MIR2052HG: variants seen among roughly 807,000 people sequenced by gnomAD.
MIR2052HG encodes MIR2052 host gene.
At chr8:74,635,215 T>A (rs1185341931) in intron 2 of MIR2052HG, among the ~76,000 whole-genome samples, 1 of 152,126 alleles carries the variant, frequency 6.6e-6, no homozygotes, top group Non-Finnish European at 1.5e-5. Flanking sequence ...AATCACTATA[T>A]TAGGTACAGA....
chr8:74,747,562 G>T (rs1021882332), intron 4 of MIR2052HG, among the ~76,000 whole-genome samples: 1 of 152,120 alleles, frequency 6.6e-6, no homozygotes, highest in Non-Finnish European at 1.5e-5. Flanking sequence ...TGTGAATCGT[G>T]TTATTCTCTG....
At chr8:74,641,488 T>C (rs1430516588) in intron 2 of MIR2052HG, among the ~76,000 whole-genome samples, 1 of 152,216 alleles carries the variant, frequency 6.6e-6, no homozygotes, top group Non-Finnish European at 1.5e-5. Context: ...TTTCTTCTTA[T>C]ATGAGTTATT....
At chr8:74,602,880 C>CTTTTTTT (rs1808042817) in intron 1 of MIR2052HG, among the ~76,000 whole-genome samples, 1 of 13,542 alleles carries the variant, frequency 7.4e-5, no homozygotes, top group Admixed American at 5.9e-4. Flanking sequence ...TTTCTTTTTT[C>CTTTTTTT]TATTCACAAA....
intron 4 of MIR2052HG, among the ~76,000 whole-genome samples, chr8:74,750,149 T>C (rs923400673): frequency 1.3e-5 from 2 of 152,200 alleles, no homozygotes; most frequent in South Asian, 2.1e-4. Context: ...TTCAAAGCAA[T>C]ATCACAAATT....
intron 4 of MIR2052HG, among the ~76,000 whole-genome samples, chr8:74,734,803 T>C (rs181049737): frequency 1.1e-3 from 175 of 152,322 alleles, no homozygotes; most frequent in African/African-American, 4.1e-3. Context: ...GATGACTGAT[T>C]TACTGTGGTT....
intron 4 of MIR2052HG, among the ~76,000 whole-genome samples, chr8:74,719,347 T>C (rs1481556018): frequency 6.6e-6 from 1 of 152,192 alleles, no homozygotes; most frequent in African/African-American, 2.4e-5. Context: ...TAATGGAGAT[T>C]GCATAGCGAG....
chr8:74,620,452 G>A (rs957941881), intron 2 of MIR2052HG, among the ~76,000 whole-genome samples: 7 of 152,216 alleles, frequency 4.6e-5, no homozygotes, highest in Admixed American at 2.6e-4. Flanking sequence ...GCCCCTGCAG[G>A]AAACTTCTGT....
At chr8:74,680,928 T>C (rs1394286422) in intron 2 of MIR2052HG, among the ~76,000 whole-genome samples, 2 of 150,948 alleles carry the variant, frequency 1.3e-5, no homozygotes, top group East Asian at 2.0e-4. Context: ...ATGGATGAAA[T>C]TGGAAATCAT....
intron 4 of MIR2052HG, among the ~76,000 whole-genome samples, chr8:74,712,746 A>G (rs772886067): frequency 1.3e-5 from 2 of 148,830 alleles, no homozygotes; most frequent in Non-Finnish European, 3.0e-5. Context: ...ATTCAAATGT[A>G]CTTAAGACTA....
At chr8:74,739,514 T>G (rs574242560) in intron 4 of MIR2052HG, among the ~76,000 whole-genome samples, 2 of 152,262 alleles carry the variant, frequency 1.3e-5, no homozygotes, top group South Asian at 4.1e-4. Flanking sequence ...TACTTTAGAG[T>G]GCACTGAGAT....
chr8:74,709,970 T>C (rs1398618620), intron 4 of MIR2052HG, among the ~76,000 whole-genome samples: 2 of 152,226 alleles, frequency 1.3e-5, no homozygotes, highest in African/African-American at 4.8e-5. Context: ...AATATGCATC[T>C]AGTTTAACAG....
chr8:74,732,085 C>A (rs1586926204), intron 4 of MIR2052HG, among the ~76,000 whole-genome samples: 1 of 152,130 alleles, frequency 6.6e-6, no homozygotes, highest in East Asian at 1.9e-4. Context: ...CCCATGAGTT[C>A]TGCATCTGTA....
rs115162826 is a variant in MIR2052HG, at chr8:74,644,445, A to G, written n.216+31505A>G. 3.1e-3 allele frequency among the ~76,000 whole-genome samples: 470 copies of G among 152,310 alleles called. 2 individuals carry two copies. Among genetic ancestry groups the G allele is most frequent in the African/African-American group, 0.011 (458 of 41,568 alleles). On this transcript the variant is annotated intron_variant and non_coding_transcript_variant, in intron 2 of 6. Transcript: ENST00000523442. Reference sequence around the variant, plus strand: ...CTAGCCTCAGTGTGTAGCAGGTTACACCATCTAGGTTTGTGGAAGTACACT... The same window carrying G: ...CTAGCCTCAGTGTGTAGCAGGTTACGCCATCTAGGTTTGTGGAAGTACACT...
intron 2 of MIR2052HG, among the ~76,000 whole-genome samples, chr8:74,668,865 A>G (rs972506405): frequency 2.0e-5 from 3 of 152,110 alleles, no homozygotes; most frequent in African/African-American, 7.2e-5. Flanking sequence ...GCGGAAGCTC[A>G]TTTCATTTTC....
At chr8:74,618,798 A>G (rs1015467451) in intron 2 of MIR2052HG, among the ~76,000 whole-genome samples, 4 of 152,226 alleles carry the variant, frequency 2.6e-5, no homozygotes, top group African/African-American at 9.6e-5. Context: ...AACCAGAGCA[A>G]TTAGACAAAA....
At chr8:74,642,495 G>C (rs145380311) in intron 2 of MIR2052HG, among the ~76,000 whole-genome samples, 211 of 152,234 alleles carry the variant, frequency 1.4e-3, no homozygotes, top group African/African-American at 4.9e-3. Context: ...GATAAGGATA[G>C]TCTCAGCAGT....
At chr8:74,728,914 T>C (rs1342639603) in intron 4 of MIR2052HG, among the ~76,000 whole-genome samples, 1 of 152,150 alleles carries the variant, frequency 6.6e-6, no homozygotes, top group Non-Finnish European at 1.5e-5. Context: ...ATTCTTACTA[T>C]ATAGCATTGC....
intron 2 of MIR2052HG, among the ~76,000 whole-genome samples, chr8:74,671,304 A>AT (rs1586909436): frequency 6.6e-6 from 1 of 152,066 alleles, no homozygotes; most frequent in African/African-American, 2.4e-5. Context: ...GGTAGACTGA[A>AT]TTTTTGCTAT....
chr8:74,679,739 A>G (rs945688385), intron 2 of MIR2052HG, among the ~76,000 whole-genome samples: 19 of 151,754 alleles, frequency 1.3e-4, no homozygotes, highest in African/African-American at 4.1e-4. Flanking sequence ...ATGGGGTTTC[A>G]CCATGTTCGC....
Sources: gnomAD v4.1 joint callset for allele counts (sites outside exome capture counted in the v4.1 genomes callset) on GRCh38, gnomAD v4.1.1 for gene constraint, MANE v1.5 for transcripts, NCBI Gene and HGNC (gene_info 2026-07-23, HGNC 2026-07-21) for gene names.